The following ADGRA3 variants were observed in gnomAD, a reference collection of about 807,000 sequenced individuals.
The protein encoded by ADGRA3 is G-protein coupled receptor 125.
Under a neutral mutation model 119.8 loss-of-function variants are expected in ADGRA3, and 56 were observed. The observed-to-expected ratio is 0.47, with a 90% CI of 0.38 to 0.58. The LOEUF is 0.58. Among genes scored for constraint, ADGRA3 ranks in the 20% least tolerant of loss-of-function variants. ADGRA3 has a pLI of 0.00. For missense variants in ADGRA3, 1,516 were observed against 1,649.0 expected (o/e 0.92, Z 1.40); for synonymous variants, 607 against 623.8 (o/e 0.97, Z 0.40).
chr4:22,481,092 T>C (rs1347189645), intron 1 of ADGRA3, among the ~76,000 whole-genome samples: 1 of 152,146 alleles, frequency 6.6e-6, no homozygotes, highest in South Asian at 2.1e-4. Context: ...ATTTTACAAA[T>C]TGTACTAATG....
chr4:22,508,314 T>C (rs902195789), intron 1 of ADGRA3, among the ~76,000 whole-genome samples: 2 of 152,128 alleles, frequency 1.3e-5, no homozygotes, highest in African/African-American at 4.8e-5. Context: ...GGCAAGGGTG[T>C]CAGCAAAGGC....
At position 22,397,692 on chromosome 4, in the gene ADGRA3, G is replaced by A. The variant is rs910130467; in HGVS notation, c.2481+3739C>T. ...TGGGTCTTTCCTGAGCTGTTCTTGCGAAAGTGAATAACTTTCATGAGATCT... is the reference window on the plus strand; with the variant it reads ...TGGGTCTTTCCTGAGCTGTTCTTGCAAAAGTGAATAACTTTCATGAGATCT... On this transcript the variant is annotated intron_variant, in intron 16 of 18. Coordinates refer to ENST00000334304, the MANE Select transcript of ADGRA3 (RefSeq NM_145290.4). 7.2e-5 allele frequency among the ~76,000 whole-genome samples: 11 copies of A among 152,036 alleles called. No individual in the cohort carries two copies. In the East Asian group the frequency reaches 7.7e-4, roughly 11 times the overall value.
At chr4:22,419,019 C>G (rs1715542615) in intron 12 of ADGRA3, among the ~76,000 whole-genome samples, 1 of 152,062 alleles carries the variant, frequency 6.6e-6, no homozygotes, top group African/African-American at 2.4e-5. Flanking sequence ...CTCAAAGTTA[C>G]CGTGGTTTGT....
chr4:22,433,423 T>A (rs1367400269), intron 10 of ADGRA3, among the ~76,000 whole-genome samples: 1 of 152,208 alleles, frequency 6.6e-6, no homozygotes, highest in Non-Finnish European at 1.5e-5. Context: ...GCACATACAC[T>A]TTTCAAATTA....
intron 3 of ADGRA3, among the ~76,000 whole-genome samples, chr4:22,459,969 G>C (rs936097604): frequency 6.6e-6 from 1 of 152,078 alleles, no homozygotes; most frequent in Non-Finnish European, 1.5e-5. Flanking sequence ...TGACCGGCCT[G>C]ATCTCCCAAT....
chr4:22,480,596 T>C (rs1718230815), intron 1 of ADGRA3, among the ~76,000 whole-genome samples: 1 of 152,216 alleles, frequency 6.6e-6, no homozygotes, highest in African/African-American at 2.4e-5. Context: ...CATCCATTTA[T>C]TCCTCTTCTA....
rs201250338 is a variant in ADGRA3 at position 22,442,682 on chromosome 4, C to A, written c.888G>T (p.Lys296Asn). Reference protein sequence around the residue: ...TDESQGIFVEKNMIHNCSLIA... With the variant: ...TDESQGIFVENNMIHNCSLIA... The stretch of plus-strand genomic sequence containing the variant: ...TCAAGGAGCAGTTGTGAATCATGTT[C>A]TTTTCAACAAAAATACCTTGCGATT... Residue 296 changes from lysine to asparagine, a missense_variant, in exon 7 of 19, where the codon AAG (lysine) becomes AAT (asparagine). Lys to Asn is a moderately conservative substitution (Grantham distance 94). Around this residue, in one of 2 missense-constraint regions of ADGRA3, gnomAD observed 428 missense variants for 541.9 expected, o/e 0.79. Coordinates refer to ENST00000334304, the MANE Select transcript of ADGRA3 (RefSeq NM_145290.4). 71 of 1,612,196 alleles carry A rather than the reference C, an allele frequency of 4.4e-5. No individual in the cohort carries two copies. Among genetic ancestry groups the A allele is most frequent in the Non-Finnish European group, 5.8e-5 (68 of 1,178,974 alleles).
intron 17 of ADGRA3, among the ~76,000 whole-genome samples, 156 bp downstream of exon 17, chr4:22,392,389 C>T (rs58608696): frequency 0.047 from 7,141 of 152,242 alleles, 544 homozygotes; most frequent in African/African-American, 0.16. Context: ...GGACTCGCAG[C>T]GGGAAGGATG....
intron 3 of ADGRA3, among the ~76,000 whole-genome samples, chr4:22,458,216 C>G (rs1487245051): frequency 6.6e-6 from 1 of 152,142 alleles, no homozygotes; most frequent in East Asian, 1.9e-4. Context: ...ACTCATGTTC[C>G]TAGGCATGGG....
At chr4:22,432,537 G>A (rs1429432572) in intron 10 of ADGRA3, among the ~76,000 whole-genome samples, 1 of 152,098 alleles carries the variant, frequency 6.6e-6, no homozygotes, top group Non-Finnish European at 1.5e-5. Context: ...ACTAGTGTAA[G>A]GCGCATATCG....
intron 12 of ADGRA3, among the ~76,000 whole-genome samples, chr4:22,416,457 T>G (rs1294280812): frequency 2.0e-5 from 3 of 152,152 alleles, no homozygotes; most frequent in Non-Finnish European, 2.9e-5. Context: ...TAGCAGCTGG[T>G]TAACACTGCA....
chr4:22,477,276 T>A (rs901419352), intron 1 of ADGRA3, among the ~76,000 whole-genome samples: 1 of 152,050 alleles, frequency 6.6e-6, no homozygotes, highest in Non-Finnish European at 1.5e-5. Context: ...GAGTCTAGGG[T>A]TTTAACTGCG....
chr4:22,503,643 A>T (rs1217323871), intron 1 of ADGRA3, among the ~76,000 whole-genome samples: 1 of 152,218 alleles, frequency 6.6e-6, no homozygotes, highest in African/African-American at 2.4e-5. Context: ...GAGGAAACTG[A>T]CACCTCAATA....
intron 16 of ADGRA3, among the ~76,000 whole-genome samples, chr4:22,399,243 T>C (rs1417237868): frequency 2.0e-5 from 3 of 152,260 alleles, no homozygotes; most frequent in Non-Finnish European, 2.9e-5. Flanking sequence ...GTTACTGATA[T>C]ATTTTTTACT....
intron 11 of ADGRA3, among the ~76,000 whole-genome samples, chr4:22,422,638 T>C (rs975102483): frequency 6.6e-6 from 1 of 152,188 alleles, no homozygotes; most frequent in Admixed American, 6.5e-5. Flanking sequence ...TTATTATACA[T>C]AGATGTATCA....
At chr4:22,507,730 T>C (rs7670164) in intron 1 of ADGRA3, among the ~76,000 whole-genome samples, 65,439 of 151,972 alleles carry the variant, frequency 0.43, 15,616 homozygotes, top group East Asian at 0.6. Flanking sequence ...CTTGCATTCA[T>C]GGACCAAATG....
intron 16 of ADGRA3, among the ~76,000 whole-genome samples, chr4:22,396,891 C>T (rs7656795): frequency 0.69 from 105,467 of 152,040 alleles, 37,514 homozygotes; most frequent in Non-Finnish European, 0.77. Context: ...AGGCAGTCAT[C>T]TTTACAACAG....
At chr4:22,462,121 T>C (rs923046145) in intron 2 of ADGRA3, among the ~76,000 whole-genome samples, 2 of 152,228 alleles carry the variant, frequency 1.3e-5, no homozygotes, top group African/African-American at 2.4e-5. Context: ...ATTATTTCTA[T>C]AATTTCTTCT....
chr4:22,414,265 C>G lies in ADGRA3; in HGVS notation c.1810-451G>C, dbSNP rs189333571. On this transcript the variant is annotated intron_variant, in intron 12 of 18. Coordinates refer to ENST00000334304, the MANE Select transcript of ADGRA3 (RefSeq NM_145290.4). Reference sequence around the variant, plus strand: ...TAAGGTGATTTATGATGAATTCAAACCTCCACACAACAAAAGAATGAAATT... The same window carrying G: ...TAAGGTGATTTATGATGAATTCAAAGCTCCACACAACAAAAGAATGAAATT... The G allele has an allele frequency of 3.0e-3, 690 of 229,114 alleles. 5 individuals carry two copies. Among genetic ancestry groups the G allele is most frequent in the Non-Finnish European group, 4.3e-3 (506 of 118,222 alleles). The allele number at this position is 229,114 out of a possible 1,614,324, so 14.2% of individuals were successfully genotyped here.
Sources: allele counts gnomAD v4.1 joint callset (sites outside exome capture counted in the v4.1 genomes callset), GRCh38; gene constraint gnomAD v4.1.1; regional missense constraint gnomAD v4.1.1; transcripts MANE v1.5; gene names NCBI Gene and HGNC (gene_info 2026-07-23, HGNC 2026-07-21).